ST7L: variants seen among roughly 807,000 people sequenced by gnomAD.
ST7L encodes the protein suppression of tumorigenicity 7 like, also known as suppressor of tumorigenicity 7 protein-like.
Under a neutral mutation model 72.5 loss-of-function variants are expected in ST7L, and 57 were observed. The ratio of observed to expected loss-of-function variants is 0.79; its 90% CI spans 0.64 to 0.98. The LOEUF (loss-of-function observed/expected upper bound fraction) is 0.98, where lower values mean the gene tolerates loss of function less well. ST7L is among the 50% of genes least tolerant of loss of function. The pLI, the probability that ST7L is intolerant of heterozygous loss-of-function variation, is 0.00. For missense variants in ST7L, 576 were observed against 672.2 expected, an observed-to-expected ratio of 0.86 and a Z score of 1.58; for synonymous variants, 221 against 240.9, an observed-to-expected ratio of 0.92 and a Z score of 0.77.
At chr1:112,619,629 T>A (rs1414286458), upstream of ST7L, 2 of 573,396 alleles carry the variant, frequency 3.5e-6, no homozygotes, top group East Asian at 5.9e-5. Context: ...GGAAAGATAT[T>A]AGACTTCAAA....
chr1:112,520,215 G>A, downstream of ST7L: 1 of 1,479,370 alleles, frequency 6.8e-7, no homozygotes, highest in Non-Finnish European at 9.3e-7. Flanking sequence ...TGAGAATGTG[G>A]TTAAGGGTAT....
At chr1:112,571,200 A>C in intron 11 of ST7L, 1 of 409,706 alleles carries the variant, frequency 2.4e-6, no homozygotes, top group South Asian at 1.8e-5. Context: ...AAACCTTAAT[A>C]ATTATTGTGT....
chr1:112,539,940 A>G, intron 14 of ST7L: 11 of 985,406 alleles, frequency 1.1e-5, no homozygotes, highest in Non-Finnish European at 1.3e-5. Flanking sequence ...TTTATTATCC[A>G]TCAACTAGAA....
At chr1:112,582,988 G>A (rs1664361446) in intron 7 of ST7L, among the ~76,000 whole-genome samples, 1 of 152,136 alleles carries the variant, frequency 6.6e-6, no homozygotes, top group African/African-American at 2.4e-5. Flanking sequence ...TCTAGAAAGA[G>A]CTAACAAATA....
intron 12 of ST7L, 131 bp downstream of exon 12, chr1:112,555,737 T>C: frequency 1.3e-6 from 1 of 785,378 alleles, no homozygotes; most frequent in Non-Finnish European, 1.9e-6. Flanking sequence ...ATCTCATCAC[T>C]AATTTCCATT....
At chr1:112,617,864 G>A (rs1670161656) in intron 1 of ST7L, 1 of 520,854 alleles carries the variant, frequency 1.9e-6, no homozygotes, top group South Asian at 2.1e-5. Context: ...ACTGTGCATA[G>A]AAACCACCGT....
intron 14 of ST7L, chr1:112,540,472 T>G: frequency 1.0e-6 from 1 of 985,432 alleles, no homozygotes; most frequent in African/African-American, 1.7e-5. Context: ...TGAAAAGAAA[T>G]AGAATAGTCA....
rs146277981 is a variant in ST7L at position 112,580,955 on chromosome 1, A to G, written c.1069+1037T>C. Among the ~76,000 whole-genome samples, 677 of 152,210 alleles carry G rather than the reference A, an allele frequency of 4.4e-3. 1 individual carries two copies. The highest frequency in any genetic ancestry group is 0.016 in the African/African-American group (645 of 41,530). The stretch of plus-strand genomic sequence containing the variant: ...ATAAAAAAATAAAAATAACCAATAT[A>G]TATTGAATTGTTACCATGGAAAGAC... On this transcript the variant is annotated intron_variant, in intron 9 of 14. Coordinates refer to ENST00000358039, the MANE Select transcript of ST7L (RefSeq NM_017744.5).
chr1:112,547,561 C>CTTTTTTTTTTTTTTTTTTTT (rs59755766), intron 13 of ST7L, among the ~76,000 whole-genome samples: 1 of 61,982 alleles, frequency 1.6e-5, no homozygotes, highest in African/African-American at 6.4e-5. Context: ...TCTTTGTCAT[C>CTTTTTTTTTTTTTTTTTTTT]TTTTTTTTTT....
chr1:112,582,483 A>G lies in ST7L; in HGVS notation c.857-11T>C. On this transcript the variant is annotated splice_polypyrimidine_tract_variant and intron_variant, in intron 7 of 14. Transcript: ENST00000358039. ...CATTGGTATCTCTCCCTATTTAGAA[A>G]AACAAAAAAATGATACAACTATCAC... The G allele has an allele frequency of 2.0e-6, 3 of 1,518,550 alleles. No individual in the cohort carries two copies. The highest frequency in any genetic ancestry group is 2.7e-6 in the Non-Finnish European group (3 of 1,106,830). The allele number at this position is 1,518,550 out of a possible 1,614,324, so 94.1% of individuals were successfully genotyped here. A position where few individuals can be genotyped will look rare whatever the true frequency, so the allele number is the denominator to read the frequency against.
intron 6 of ST7L, among the ~76,000 whole-genome samples, chr1:112,585,031 A>G (rs1171115251): frequency 1.3e-5 from 2 of 152,158 alleles, no homozygotes; most frequent in Non-Finnish European, 2.9e-5. Context: ...TTCTGAATTC[A>G]GGTCCTTCCT....
intron 14 of ST7L, chr1:112,540,908 T>C: frequency 8.2e-7 from 1 of 1,212,532 alleles, no homozygotes; most frequent in East Asian, 5.7e-5. Context: ...GAAAGATGCA[T>C]TTTTAAAAAG....
chr1:112,533,173 A>G (rs1654655103), intron 14 of ST7L, among the ~76,000 whole-genome samples: 1 of 148,830 alleles, frequency 6.7e-6, no homozygotes, highest in Non-Finnish European at 1.5e-5. Context: ...TGTACATTTT[A>G]AGCACTTAGA....
chr1:112,594,526 G>C (rs1028043827), intron 5 of ST7L, among the ~76,000 whole-genome samples: 1 of 152,146 alleles, frequency 6.6e-6, no homozygotes, highest in Non-Finnish European at 1.5e-5. Context: ...TGCTCCTAGG[G>C]GAAGGTCCCC....
chr1:112,548,633 T>A (rs181093334), intron 13 of ST7L, among the ~76,000 whole-genome samples: 3 of 152,332 alleles, frequency 2.0e-5, no homozygotes, highest in Non-Finnish European at 4.4e-5. Context: ...TTTTAATGGC[T>A]CAGTATTGTA....
At chr1:112,520,108 G>A (rs1045661067), downstream of ST7L, among the ~76,000 whole-genome samples, 1 of 152,118 alleles carries the variant, frequency 6.6e-6, no homozygotes, top group Non-Finnish European at 1.5e-5. Flanking sequence ...CTGGACTCAA[G>A]GATTCCTTCT....
chr1:112,589,279 G>C (rs915303133), intron 6 of ST7L, among the ~76,000 whole-genome samples: 60 of 151,968 alleles, frequency 3.9e-4, no homozygotes, highest in African/African-American at 1.4e-3. Flanking sequence ...TTTTGAGACA[G>C]GGTCTCTTTA....
chr1:112,590,424 T>C (rs1356250367), intron 6 of ST7L, among the ~76,000 whole-genome samples: 1 of 152,218 alleles, frequency 6.6e-6, no homozygotes, highest in Non-Finnish European at 1.5e-5. Context: ...TTTCCAGAGT[T>C]TTAATAAAGT....
intron 14 of ST7L, among the ~76,000 whole-genome samples, chr1:112,531,143 T>G (rs1465229221): frequency 1.3e-5 from 2 of 152,184 alleles, no homozygotes; most frequent in Admixed American, 1.3e-4. Flanking sequence ...CTTCTTCACA[T>G]GAAATCACAT....
Sources: allele counts gnomAD v4.1 joint callset (sites outside exome capture counted in the v4.1 genomes callset), GRCh38; gene constraint gnomAD v4.1.1; transcripts MANE v1.5; gene names NCBI Gene and HGNC (gene_info 2026-07-23, HGNC 2026-07-21).